OXR1: variants seen among roughly 807,000 people sequenced by gnomAD.
OXR1 encodes the protein oxidation resistance 1, also known as oxidation resistance protein 1.
In OXR1, 41 loss-of-function variants were observed where a neutral mutation model predicts 104.6. The observed-to-expected ratio is 0.39, with a 90% CI of 0.31 to 0.51. OXR1 has a LOEUF of 0.51. OXR1 is among the 20% of genes least tolerant of loss of function. The probability of loss-of-function intolerance (pLI) is 0.77; values close to 1 mark genes in which losing one functional copy is unlikely to be tolerated. For synonymous variants in OXR1, 348 were observed against 348.4 expected, an observed-to-expected ratio of 1.00 and a Z score of 0.01; for missense variants, 955 against 1,031.9, an observed-to-expected ratio of 0.93 and a Z score of 1.02.
At chr8:106,642,812 A>G (rs1239266222) in intron 3 of OXR1, among the ~76,000 whole-genome samples, 1 of 152,258 alleles carries the variant, frequency 6.6e-6, no homozygotes, top group East Asian at 1.9e-4. Flanking sequence ...GTATAGAAAC[A>G]TCATAGACTT....
chr8:106,433,382 A>G (rs1249365464), intron 2 of OXR1, among the ~76,000 whole-genome samples: 1 of 152,164 alleles, frequency 6.6e-6, no homozygotes, highest in Non-Finnish European at 1.5e-5. Context: ...TACCCCCAGG[A>G]GCAATTTGGG....
intron 1 of OXR1, among the ~76,000 whole-genome samples, chr8:106,301,831 G>C (rs947912788): frequency 6.6e-6 from 1 of 151,858 alleles, no homozygotes; most frequent in African/African-American, 2.4e-5. Flanking sequence ...TTTTTTTTCA[G>C]GGACTCAGTA....
rs1211825396 is a variant in OXR1 at position 106,658,137 on chromosome 8, G to A, written c.221-21073G>A. 19 of 1,245,956 alleles carry A rather than the reference G, an allele frequency of 1.5e-5. No individual in the cohort carries two copies. In the South Asian group the frequency reaches 6.6e-4, roughly 43 times the overall value. The allele number at this position is 1,245,956 out of a possible 1,614,324, so 77.2% of individuals were successfully genotyped here. On this transcript the variant is annotated intron_variant, in intron 3 of 16. Transcript: ENST00000517566. Reference sequence around the variant, plus strand: ...GCCAGCCCAGGGGGACCTCGGGTGCGGGTCCCCGCCCCACCGGCCCCCGGC... The same window carrying A: ...GCCAGCCCAGGGGGACCTCGGGTGCAGGTCCCCGCCCCACCGGCCCCCGGC...
At chr8:106,413,163 A>G (rs1818530440) in intron 2 of OXR1, among the ~76,000 whole-genome samples, 1 of 151,964 alleles carries the variant, frequency 6.6e-6, no homozygotes, top group African/African-American at 2.4e-5. Flanking sequence ...TATAGCATTC[A>G]TCATATAGGA....
At chr8:106,687,444 G>A (rs188046262) in intron 6 of OXR1, among the ~76,000 whole-genome samples, 28 of 152,198 alleles carry the variant, frequency 1.8e-4, no homozygotes, top group Admixed American at 1.6e-3. Flanking sequence ...GTTTCTACCG[G>A]GCATAGTGGC....
At chr8:106,698,811 T>G (rs1349831870) in intron 7 of OXR1, among the ~76,000 whole-genome samples, 7 of 152,180 alleles carry the variant, frequency 4.6e-5, no homozygotes, top group African/African-American at 1.7e-4. Context: ...AACGTCTTTT[T>G]TTTTGTACTC....
intron 2 of OXR1, among the ~76,000 whole-genome samples, chr8:106,439,215 C>T (rs112159662): frequency 2.0e-5 from 3 of 151,930 alleles, no homozygotes; most frequent in African/African-American, 7.3e-5. Flanking sequence ...TAGATTAGAT[C>T]AAGAGAGTAA....
At chr8:106,361,233 T>C (rs1816230856) in intron 2 of OXR1, among the ~76,000 whole-genome samples, 2 of 152,336 alleles carry the variant, frequency 1.3e-5, no homozygotes, top group South Asian at 4.1e-4. Flanking sequence ...GGTAAATAAA[T>C]GTTATCCTTC....
intron 3 of OXR1, among the ~76,000 whole-genome samples, chr8:106,643,007 G>A (rs1288503654): frequency 6.6e-6 from 1 of 152,174 alleles, no homozygotes; most frequent in African/African-American, 2.4e-5. Context: ...TGTCATCCTT[G>A]AAGGTGTCAG....
intron 3 of OXR1, among the ~76,000 whole-genome samples, chr8:106,669,329 C>A (rs556653839): frequency 6.6e-6 from 1 of 151,928 alleles, no homozygotes; most frequent in Non-Finnish European, 1.5e-5. Context: ...GGAGTAAAGA[C>A]AGTAAAAGTA....
intron 2 of OXR1, among the ~76,000 whole-genome samples, chr8:106,493,944 T>C (rs1364079124): frequency 6.6e-6 from 1 of 152,202 alleles, no homozygotes; most frequent in Admixed American, 6.6e-5. Context: ...TCTTGACTAA[T>C]ATATTCAACC....
chr8:106,725,081 G>A (rs1481137496), intron 11 of OXR1, among the ~76,000 whole-genome samples: 3 of 152,140 alleles, frequency 2.0e-5, no homozygotes, highest in African/African-American at 7.2e-5. Flanking sequence ...CTTTCCTGGT[G>A]TGAAGATAAT....
At chr8:106,525,546 G>A (rs1169498779) in intron 3 of OXR1, among the ~76,000 whole-genome samples, 1 of 152,206 alleles carries the variant, frequency 6.6e-6, no homozygotes, top group African/African-American at 2.4e-5. Context: ...CAACCTTTAT[G>A]TTTATTTTTT....
intron 2 of OXR1, among the ~76,000 whole-genome samples, chr8:106,463,847 T>C (rs1821037290): frequency 6.6e-6 from 1 of 152,070 alleles, no homozygotes; most frequent in South Asian, 2.1e-4. Flanking sequence ...TTTGCTATAT[T>C]ATGGAATCCT....
intron 3 of OXR1, chr8:106,618,004 C>T: frequency 6.7e-7 from 1 of 1,482,200 alleles, no homozygotes. Context: ...GAATCTTGCA[C>T]ACTGCCACCA....
intron 2 of OXR1, among the ~76,000 whole-genome samples, chr8:106,452,228 G>A (rs1406295898): frequency 6.6e-6 from 1 of 152,140 alleles, no homozygotes; most frequent in Non-Finnish European, 1.5e-5. Context: ...CAGAAGAGAA[G>A]CATGATATTA....
At chr8:106,562,503 C>T (rs146749290) in intron 3 of OXR1, among the ~76,000 whole-genome samples, 171 of 152,248 alleles carry the variant, frequency 1.1e-3, no homozygotes, top group African/African-American at 3.8e-3. Flanking sequence ...GACTGCTGTA[C>T]CTGAAAGTGA....
At chr8:106,590,566 A>G (rs1819002160) in intron 3 of OXR1, among the ~76,000 whole-genome samples, 1 of 152,208 alleles carries the variant, frequency 6.6e-6, no homozygotes. Context: ...GATTACAGGC[A>G]TGAGCCACCG....
Position 106,706,731 on chromosome 8 carries a change from G to A in OXR1, c.1210G>A (p.Glu404Lys), listed in dbSNP as rs1341095797. The A allele has an allele frequency of 8.1e-6, 13 of 1,611,636 alleles. No homozygotes were observed. The highest frequency in any genetic ancestry group is 1.0e-5 in the Non-Finnish European group (12 of 1,179,396). The part of the protein sequence containing the change: ...LRSDTEHSTN[E>K]VGTLCHKTDL... ...ATCTGATACTGAACATTCTACAAAT[G>A]AAGTTGGGACTTTATGTCATAAAAC... The change falls in exon 9 of 17, where the codon GAA becomes AAA. Residue 404 changes from glutamate to lysine, a missense_variant. This residue lies in a region of OXR1 where 849 missense variants were observed against 852.9 expected (regional missense o/e 1.00). Coordinates refer to ENST00000517566, the MANE Select transcript of OXR1 (RefSeq NM_001198533.2).
Sources: gnomAD v4.1 joint callset for allele counts (sites outside exome capture counted in the v4.1 genomes callset) on GRCh38, gnomAD v4.1.1 for gene constraint, gnomAD v4.1.1 regional missense constraint, MANE v1.5 for transcripts, NCBI Gene and HGNC (gene_info 2026-07-23, HGNC 2026-07-21) for gene names.